The following PREX2 variants were observed in gnomAD, a reference collection of about 807,000 sequenced individuals.
The protein encoded by PREX2 is phosphatidylinositol 3,4,5-trisphosphate-dependent Rac exchanger 2 protein.
A neutral mutation model predicts 203.2 loss-of-function variants in PREX2; 107 were observed. That is an observed-to-expected ratio of 0.53 (90% confidence interval 0.45 to 0.62). PREX2 has a LOEUF of 0.62. Among genes scored for constraint, PREX2 ranks in the 20% least tolerant of loss-of-function variants. PREX2 has a pLI of 0.00. For missense variants in PREX2, 1,777 were observed against 1,955.9 expected, an observed-to-expected ratio of 0.91 and a Z score of 1.72; for synonymous variants, 672 against 663.6, an observed-to-expected ratio of 1.01 and a Z score of -0.19.
chr8:68,006,768 G>A (rs927093333), intron 1 of PREX2, among the ~76,000 whole-genome samples: 2 of 152,142 alleles, frequency 1.3e-5, no homozygotes, highest in Non-Finnish European at 1.5e-5. Flanking sequence ...TCCCCAAAAT[G>A]TTGGTTCTTG....
rs1438156423 is a variant in PREX2, at chr8:68,194,638, A to G, written c.4604+2113A>G. Among the ~76,000 whole-genome samples, 17 of 151,868 alleles carry G rather than the reference A, an allele frequency of 1.1e-4. No individual in the cohort carries two copies. The East Asian group carries it at 3.1e-3, about 28-fold the overall frequency. On this transcript the variant is annotated intron_variant, in intron 37 of 39. Transcript: ENST00000288368. ...AAACCTCATCTCTACTAAAAAAAAA[A>G]AAAAATACAAAAATTAGCCGGGCAT... is the stretch of plus-strand genomic sequence containing the variant.
Position 68,192,485 on chromosome 8 carries a change from G to C in PREX2, c.4564G>C (p.Gly1522Arg). Residue 1522 changes from glycine to arginine, a missense_variant, in exon 37 of 40, where the codon GGC becomes CGC. Physicochemically the swap from Gly to Arg is moderately radical, Grantham distance 125. Coordinates refer to ENST00000288368, the MANE Select transcript of PREX2 (RefSeq NM_024870.4). ...TTCCTCGGAGCTGTGCAACAGGCTG[G>C]GCGCCTGCCACATCATCATGTGCAG... ...SVSSELCNRL[G>R]ACHIIMCSSG... 3 of 1,612,530 alleles carry C rather than the reference G, an allele frequency of 1.9e-6. No individual in the cohort carries two copies. The highest frequency in any genetic ancestry group is 3.6e-4 in the Middle Eastern group (2 of 5,588).
chr8:68,070,897 T>C (rs1048161430), intron 13 of PREX2, among the ~76,000 whole-genome samples: 1 of 152,122 alleles, frequency 6.6e-6, no homozygotes, highest in Non-Finnish European at 1.5e-5. Flanking sequence ...CCCTATTTAC[T>C]TTCACAAGTA....
rs1034249176 is a variant in PREX2 at position 68,019,429 on chromosome 8, G to A, written c.214-120G>A. On this transcript the variant is annotated intron_variant, in intron 2 of 39. Coordinates refer to ENST00000288368, the MANE Select transcript of PREX2 (RefSeq NM_024870.4). ...TCCAGACAAAATTGAGGCTCTGTCG[G>A]CAAGGTGGGAGGAAGGCATGGATGT... The A allele has an allele frequency of 8.3e-6, 6 of 719,876 alleles. No individual in the cohort carries two copies. The African/African-American group carries it at 1.1e-4, about 13-fold the overall frequency. The allele number at this position is 719,876 out of a possible 1,614,324, so 44.6% of individuals were successfully genotyped here. A position where few individuals can be genotyped will look rare whatever the true frequency, so the allele number is the denominator to read the frequency against.
intron 31 of PREX2, among the ~76,000 whole-genome samples, chr8:68,127,759 A>C (rs948490258): frequency 1.3e-5 from 2 of 152,104 alleles, no homozygotes. Flanking sequence ...TTTGTTTATG[A>C]GCAAGAATGA....
At chr8:68,004,385 TTC>T (rs1807032979) in intron 1 of PREX2, among the ~76,000 whole-genome samples, 1 of 152,246 alleles carries the variant, frequency 6.6e-6, no homozygotes, top group Non-Finnish European at 1.5e-5. Context: ...ACCTTCATTA[TTC>T]TCTCTCTGCC....
At chr8:68,001,318 T>C (rs1207890541) in intron 1 of PREX2, among the ~76,000 whole-genome samples, 1 of 152,084 alleles carries the variant, frequency 6.6e-6, no homozygotes, top group African/African-American at 2.4e-5. Context: ...AAGACATGCA[T>C]GCAGTCAACC....
At chr8:67,996,705 T>C (rs1806777133) in intron 1 of PREX2, among the ~76,000 whole-genome samples, 1 of 152,182 alleles carries the variant, frequency 6.6e-6, no homozygotes, top group Non-Finnish European at 1.5e-5. Flanking sequence ...TTAAAAAATA[T>C]TTGCCTCTCC....
chr8:68,031,316 A>G (rs954379984), intron 6 of PREX2, among the ~76,000 whole-genome samples: 1 of 152,214 alleles, frequency 6.6e-6, no homozygotes, highest in Non-Finnish European at 1.5e-5. Flanking sequence ...AAATTCTGTC[A>G]TTACATTGCC....
In PREX2 at chr8:68,027,245, G is replaced by A. The variant is rs746159820; in HGVS notation, c.465G>A (p.Arg155=). 1.2e-6 allele frequency: 2 copies of A among 1,611,876 alleles called. No individual in the cohort carries two copies. The highest frequency in any genetic ancestry group is 8.5e-7 in the Non-Finnish European group (1 of 1,178,266). Residue 155 remains arginine, a synonymous_variant, in exon 5 of 40, where the codon CGG becomes CGA. Coordinates refer to ENST00000288368, the MANE Select transcript of PREX2 (RefSeq NM_024870.4). ...AGAACTGCATGCTGCTTGGAGGACG[G>A]AAGAACACAGATGTTCCCTTGGAAG... ...FLLNCMLLGG[R]KNTDVPLEGY...
chr8:67,963,558 T>A lies in PREX2; in HGVS notation c.141+11023T>A, dbSNP rs187301782. Among the ~76,000 whole-genome samples, 76 of 152,316 alleles carry A rather than the reference T, an allele frequency of 5.0e-4. 1 individual carries two copies. The highest frequency in any genetic ancestry group is 6.8e-3 in the Middle Eastern group (2 of 294). Reference sequence around the variant, plus strand: ...TAATATTTTTAGTTTATTTTTTGTTTTTTCTTTAATAAATCTCTAGTTCAG... The same window carrying A: ...TAATATTTTTAGTTTATTTTTTGTTATTTCTTTAATAAATCTCTAGTTCAG... On this transcript the variant is annotated intron_variant, in intron 1 of 39. Transcript: ENST00000288368.
At chr8:68,091,757 T>C (rs1305001555) in intron 20 of PREX2, among the ~76,000 whole-genome samples, 2 of 152,232 alleles carry the variant, frequency 1.3e-5, no homozygotes, top group African/African-American at 4.8e-5. Flanking sequence ...TTTTCTCTTC[T>C]ACCAGAATGT....
At chr8:68,206,827 G>A (rs1812635053) in intron 37 of PREX2, among the ~76,000 whole-genome samples, 1 of 152,174 alleles carries the variant, frequency 6.6e-6, no homozygotes, top group Admixed American at 6.5e-5. Flanking sequence ...TGCTCTTAGA[G>A]TCTGATGTCT....
At chr8:68,169,042 A>G (rs1269568238) in intron 35 of PREX2, among the ~76,000 whole-genome samples, 1 of 152,274 alleles carries the variant, frequency 6.6e-6, no homozygotes, top group Admixed American at 6.5e-5. Flanking sequence ...AGAGATATCC[A>G]GGCTGTGGCC....
At chr8:68,162,732 A>G (rs1034374405) in intron 35 of PREX2, among the ~76,000 whole-genome samples, 1 of 152,070 alleles carries the variant, frequency 6.6e-6, no homozygotes, top group Admixed American at 6.5e-5. Flanking sequence ...TGGGCCAGGG[A>G]GAAAGAGGCC....
At chr8:67,970,082 T>C (rs542452053) in intron 1 of PREX2, among the ~76,000 whole-genome samples, 3 of 152,162 alleles carry the variant, frequency 2.0e-5, no homozygotes, top group African/African-American at 4.8e-5. Flanking sequence ...GTATGGGAAA[T>C]AGTAAGAGGG....
chr8:67,976,989 A>G (rs1806130353), intron 1 of PREX2, among the ~76,000 whole-genome samples: 1 of 152,198 alleles, frequency 6.6e-6, no homozygotes, highest in African/African-American at 2.4e-5. Context: ...AGCAAAATAA[A>G]TGGTTATTGT....
intron 13 of PREX2, among the ~76,000 whole-genome samples, chr8:68,071,636 A>G (rs1470827148): frequency 6.6e-6 from 1 of 152,168 alleles, no homozygotes; most frequent in Non-Finnish European, 1.5e-5. Context: ...TTTGGTTGGT[A>G]TCCAACAGAA....
At chr8:68,072,136 A>G (rs1288788184) in intron 13 of PREX2, among the ~76,000 whole-genome samples, 59 of 152,156 alleles carry the variant, frequency 3.9e-4, no homozygotes, top group Admixed American at 3.9e-3. Context: ...ATTTCATTTC[A>G]CTTAAAGTCG....
Sources: allele counts gnomAD v4.1 joint callset (sites outside exome capture counted in the v4.1 genomes callset), GRCh38; gene constraint gnomAD v4.1.1; transcripts MANE v1.5; gene names NCBI Gene and HGNC (gene_info 2026-07-23, HGNC 2026-07-21).